CNTD1: variants seen among roughly 807,000 people sequenced by gnomAD.
The protein encoded by CNTD1 is cyclin N-terminal domain containing 1.
A neutral mutation model predicts 36.3 loss-of-function variants in CNTD1; 17 were observed. That is an observed-to-expected ratio of 0.47 (90% CI 0.32 to 0.70). The LOEUF is 0.70. Ranked by LOEUF, CNTD1 falls within the 30% of genes least tolerant of loss-of-function variation. The pLI is 0.03. For synonymous variants in CNTD1, 128 were observed against 153.3 expected (o/e 0.83, Z 1.22); for missense variants, 338 against 386.1 (o/e 0.88, Z 1.04).
At chr17:42,804,136 GC>G in intron 2 of CNTD1, 88 bp from the exon 3 acceptor site, 2 of 1,265,434 alleles carry the variant, frequency 1.6e-6, no homozygotes, top group Non-Finnish European at 2.2e-6. Flanking sequence ...ACCATGCTCA[GC>G]CTCAAATGTA....
intron 1 of CNTD1, among the ~76,000 whole-genome samples, chr17:42,799,817 G>C (rs570714048): frequency 7.0e-4 from 89 of 127,756 alleles, no homozygotes; most frequent in African/African-American, 2.5e-3. Flanking sequence ...TGTAATCCCA[G>C]CATTTTGGGA....
At chr17:42,806,893 G>C in intron 5 of CNTD1, 75 bp downstream of exon 5, 1 of 1,429,924 alleles carries the variant, frequency 7.0e-7, no homozygotes, top group South Asian at 1.2e-5. Flanking sequence ...CTTGGGGAAT[G>C]GAATTAGCCT....
In CNTD1 at chr17:42,810,626, G is replaced by T; in HGVS notation, c.*1091G>T. 1 of 911,598 alleles carries T rather than the reference G, an allele frequency of 1.1e-6. No homozygotes were observed. Among genetic ancestry groups the T allele is most frequent in the African/African-American group, 1.7e-5 (1 of 58,196 alleles). The allele number at this position is 911,598 out of a possible 1,614,324, so 56.5% of individuals were successfully genotyped here. ...TCACATGATATTTTAAAATAAAGTG[G>T]CTTTTGTGGATTTTTTCTTTTTTGG... On this transcript the variant is annotated 3_prime_UTR_variant, in exon 7 of 7. Transcript: ENST00000588408.
chr17:42,804,368 T>G lies in CNTD1; in HGVS notation c.389T>G (p.Leu130Arg), dbSNP rs776792961. 1.7e-5 allele frequency: 27 copies of G among 1,614,126 alleles called. 1 individual carries two copies. In the South Asian group the frequency reaches 3.0e-4, roughly 18 times the overall value. The part of the protein sequence containing the change: ...FTLRLVSCVQ[L>R]ASKLSFRNKI... ...CTCCGTCTTGTGTCATGTGTTCAGC[T>G]GGCCAGCAAACTTTCCTTCCGAAAC... The change falls in exon 3 of 7, where the codon CTG becomes CGG. Residue 130 changes from leucine to arginine, a missense_variant. Transcript: ENST00000588408.
intron 4 of CNTD1, 78 bp from the exon 5 acceptor site, chr17:42,806,596 G>A (rs2054882634): frequency 2.0e-6 from 3 of 1,464,762 alleles, no homozygotes; most frequent in Non-Finnish European, 2.8e-6. Flanking sequence ...CACCTCAACA[G>A]CTTTATGTCA....
intron 1 of CNTD1, among the ~76,000 whole-genome samples, chr17:42,801,544 TATA>T (rs1288230484): frequency 3.1e-3 from 147 of 47,898 alleles, no homozygotes; most frequent in African/African-American, 0.011. Context: ...TATATATATA[TATA>T]ATATATGTGT....
At position 42,805,713 on chromosome 17, in the gene CNTD1, T is replaced by G. The variant is rs763561525; in HGVS notation, c.418-9T>G. ...AACATTCTTCTTTCCCTCTCTTTTC[T>G]TTGCTCAGATAATCAGCAACATTAC... On this transcript the variant is annotated splice_polypyrimidine_tract_variant and intron_variant, in intron 3 of 6. Transcript: ENST00000588408. 4.4e-6 allele frequency: 7 copies of G among 1,607,956 alleles called. No homozygotes were observed. Among genetic ancestry groups the G allele is most frequent in the Middle Eastern group, 1.7e-4 (1 of 6,054 alleles).
intron 4 of CNTD1, among the ~76,000 whole-genome samples, chr17:42,806,306 G>A (rs2054878432): frequency 6.6e-6 from 1 of 152,098 alleles, no homozygotes; most frequent in Non-Finnish European, 1.5e-5. Flanking sequence ...AAGCTTGATG[G>A]TGTCTCTGGA....
At chr17:42,806,389 G>A (rs1294909554) in intron 4 of CNTD1, among the ~76,000 whole-genome samples, 3 of 152,090 alleles carry the variant, frequency 2.0e-5, no homozygotes. Context: ...CTTCTGTTTG[G>A]ACTCACTAGG....
At position 42,805,616 on chromosome 17, in the gene CNTD1, A is replaced by T. The variant is rs371228101; in HGVS notation, c.418-106A>T. 42 of 982,146 alleles carry T rather than the reference A, an allele frequency of 4.3e-5. No individual in the cohort carries two copies. In the East Asian group the frequency reaches 1.1e-3, roughly 26 times the overall value. The allele number at this position is 982,146 out of a possible 1,614,324, so 60.8% of individuals were successfully genotyped here. A position where few individuals can be genotyped will look rare whatever the true frequency, so the allele number is the denominator to read the frequency against. ...TGAGGGGGAATTACCAAGAGACAAG[A>T]CTGAAGATGAAGGAATAGGCTGGAT... On this transcript the variant is annotated intron_variant, in intron 3 of 6. Transcript: ENST00000588408.
chr17:42,807,456 A>T (rs1169449289), intron 5 of CNTD1, among the ~76,000 whole-genome samples: 1 of 152,150 alleles, frequency 6.6e-6, no homozygotes, highest in Non-Finnish European at 1.5e-5. Flanking sequence ...CAAGGTTGCA[A>T]CTTGGACAAG....
chr17:42,799,090 G>T lies in CNTD1; in HGVS notation c.23G>T (p.Arg8Leu). 6.2e-7 allele frequency: 1 copy of T among 1,614,010 alleles called. No homozygotes were observed. Among genetic ancestry groups the T allele is most frequent in the Non-Finnish European group, 8.5e-7 (1 of 1,180,010 alleles). ...AATATGGACGGACCCATGAGGCCAC[G>T]ATCGGCCTCCCTCGTTGACTTTCAG... MDGPMRP[R>L]SASLVDFQFG... The change falls in exon 1 of 7, where the codon CGA becomes CTA. Residue 8 changes from arginine (R) to leucine (L), a missense_variant. Physicochemically the swap from Arg to Leu is moderately radical, Grantham distance 102 (BLOSUM62 -2). Transcript: ENST00000588408.
In CNTD1 at chr17:42,809,633, CT is replaced by C. The variant is rs2144135254; in HGVS notation, c.*102del. 1 of 1,104,984 alleles carries C rather than the reference CT, an allele frequency of 9.0e-7. No individual in the cohort carries two copies. The highest frequency in any genetic ancestry group is 2.6e-5 in the East Asian group (1 of 38,950). The allele number at this position is 1,104,984 out of a possible 1,614,324, so 68.4% of individuals were successfully genotyped here. On this transcript the variant is annotated 3_prime_UTR_variant, in exon 7 of 7. Coordinates refer to ENST00000588408, the MANE Select transcript of CNTD1 (RefSeq NM_173478.3). ...CTAAGGGTACAAAAATTCCAAGTCT[CT>C]TTTGAACTGTATTTTGTATGCCAAT...
intron 6 of CNTD1, among the ~76,000 whole-genome samples, 187 bp downstream of exon 6, chr17:42,808,051 A>G (rs1231879853): frequency 6.6e-6 from 1 of 152,234 alleles, no homozygotes; most frequent in Non-Finnish European, 1.5e-5. Flanking sequence ...TTCCTTTTAT[A>G]AAACTGGAAA....
rs2054884934 is a variant in CNTD1, at chr17:42,806,726, A to G, written c.633A>G (p.Thr211=). ...TGAGGCTGCATGCAACCTGCCTGAC[A>G]CTGCTCGACCTGGTCTATCTTCTGC... ...PAMRLHATCL[T]LLDLVYLLHE... is the part of the protein sequence containing the mutation. The change falls in exon 5 of 7, where the codon ACA becomes ACG. Residue 211 remains threonine, a synonymous_variant. Coordinates refer to ENST00000588408, the MANE Select transcript of CNTD1 (RefSeq NM_173478.3). 1 of 1,613,994 alleles carries G rather than the reference A, an allele frequency of 6.2e-7. No individual in the cohort carries two copies. The highest frequency in any genetic ancestry group is 1.3e-5 in the African/African-American group (1 of 74,904).
At chr17:42,805,638 G>A (rs1267827033) in intron 3 of CNTD1, 84 bp from the exon 4 acceptor site, 1 of 1,181,518 alleles carries the variant, frequency 8.5e-7, no homozygotes, top group African/African-American at 1.5e-5. Flanking sequence ...GGAATAGGCT[G>A]GATTATGAAG....
intron 6 of CNTD1, among the ~76,000 whole-genome samples, chr17:42,808,687 T>C (rs1362265117): frequency 2.1e-5 from 3 of 142,718 alleles, no homozygotes; most frequent in African/African-American, 8.0e-5. Flanking sequence ...TGAGCCATGA[T>C]TGCGCCACTG....
chr17:42,801,508 AAAAT>A (rs1274230220), intron 1 of CNTD1, among the ~76,000 whole-genome samples: 746 of 50,534 alleles, frequency 0.015, no homozygotes, highest in African/African-American at 0.05. Context: ...AAAAAAAAAA[AAAAT>A]ATATATATAT....
At position 42,810,260 on chromosome 17, in the gene CNTD1, A is replaced by G. The variant is rs1435823306; in HGVS notation, c.*725A>G. ...GAGTCGGCATTCAGTATAAGAACCA[A>G]GTGAAAAGTGTTAAATTTCAAGCAT... On this transcript the variant is annotated 3_prime_UTR_variant, in exon 7 of 7. Coordinates refer to ENST00000588408, the MANE Select transcript of CNTD1 (RefSeq NM_173478.3). 1 of 153,114 alleles carries G rather than the reference A, an allele frequency of 6.5e-6. No homozygotes were observed. Among genetic ancestry groups the G allele is most frequent in the Non-Finnish European group, 1.5e-5 (1 of 68,294 alleles). The allele number at this position is 153,114 out of a possible 1,614,324, so 9.5% of individuals were successfully genotyped here. A position where few individuals can be genotyped will look rare whatever the true frequency, so the allele number is the denominator to read the frequency against.
Sources: gnomAD v4.1 joint callset for allele counts (sites outside exome capture counted in the v4.1 genomes callset) on GRCh38, gnomAD v4.1.1 for gene constraint, MANE v1.5 for transcripts, NCBI Gene and HGNC (gene_info 2026-07-23, HGNC 2026-07-21) for gene names.